TNIK: variants seen among roughly 807,000 people sequenced by gnomAD.
TNIK encodes the protein TRAF2 and NCK-interacting protein kinase.
In TNIK, 49 loss-of-function variants were observed where a neutral mutation model predicts 191.3. The ratio of observed to expected loss-of-function variants is 0.26; its 90% CI spans 0.20 to 0.32. The LOEUF (loss-of-function observed/expected upper bound fraction) is 0.32. TNIK is among the 10% of genes least tolerant of loss of function. The probability of loss-of-function intolerance (pLI) is 1.00; values close to 1 mark genes in which losing one functional copy is unlikely to be tolerated. For synonymous variants in TNIK, 594 were observed against 600.9 expected, an observed-to-expected ratio of 0.99 and a Z score of 0.17; for missense variants, 1,155 against 1,702.3, an observed-to-expected ratio of 0.68 and a Z score of 5.66.
At chr3:171,178,332 G>A (rs1736215548) in intron 7 of TNIK, among the ~76,000 whole-genome samples, 1 of 152,198 alleles carries the variant, frequency 6.6e-6, no homozygotes, top group South Asian at 2.1e-4. Context: ...ATTCACTGAT[G>A]TCTCTCTTGT....
intron 1 of TNIK, among the ~76,000 whole-genome samples, chr3:171,429,940 C>A (rs896335404): frequency 6.6e-6 from 1 of 152,104 alleles, no homozygotes; most frequent in Non-Finnish European, 1.5e-5. Flanking sequence ...AAAATGTGAT[C>A]CTGAAAGCAG....
chr3:171,341,521 C>G (rs1270504700), intron 2 of TNIK, among the ~76,000 whole-genome samples: 1 of 112,736 alleles, frequency 8.9e-6, no homozygotes. Context: ...AAAAAAAAAG[C>G]CATATATTTT....
chr3:171,340,121 A>C (rs1325399108), intron 2 of TNIK, among the ~76,000 whole-genome samples: 1 of 152,236 alleles, frequency 6.6e-6, no homozygotes, highest in Non-Finnish European at 1.5e-5. Context: ...GATGACATGA[A>C]AAAAATGCTA....
At chr3:171,253,699 TC>T (rs1365023629) in intron 2 of TNIK, among the ~76,000 whole-genome samples, 1 of 147,280 alleles carries the variant, frequency 6.8e-6, no homozygotes, top group Admixed American at 6.9e-5. Context: ...TATTACCTTC[TC>T]CCGAATCCTC....
Position 171,063,610 on chromosome 3 carries a change from CGAA to C in TNIK, c.*268_*270del, listed in dbSNP as rs374455162. On this transcript the variant is annotated 3_prime_UTR_variant, in exon 33 of 33. Coordinates refer to ENST00000436636, the MANE Select transcript of TNIK (RefSeq NM_015028.4). ...CAATATTTGTTTCTATCCCTAATTC[CGAA>C]GGGCACATGGTCCATCTTTGTCCAC... The C allele has an allele frequency of 1.7e-3, 567 of 339,624 alleles. 3 individuals are homozygous for C. Among genetic ancestry groups the C allele is most frequent in the African/African-American group, 0.011 (508 of 47,002 alleles). 21.0% of individuals were successfully genotyped at this position (339,624 alleles called of 1,614,324 possible). A position where few individuals can be genotyped will look rare whatever the true frequency, so the allele number is the denominator to read the frequency against.
intron 2 of TNIK, among the ~76,000 whole-genome samples, chr3:171,327,658 C>T (rs1035566905): frequency 2.6e-5 from 4 of 151,834 alleles, no homozygotes; most frequent in African/African-American, 9.7e-5. Context: ...GAGAAAGCCA[C>T]AGACCACAAA....
In TNIK at chr3:171,271,882, T is replaced by G. The variant is rs368335844; in HGVS notation, c.124-43661A>C. ...TAACTAAGTTCCAATTATGTTTAATTCTCAGAATTACCTTTGAGCATTAGA... is the reference window on the plus strand; with the variant it reads ...TAACTAAGTTCCAATTATGTTTAATGCTCAGAATTACCTTTGAGCATTAGA... On this transcript the variant is annotated intron_variant, in intron 2 of 32. Coordinates refer to ENST00000436636, the MANE Select transcript of TNIK (RefSeq NM_015028.4). Among the ~76,000 whole-genome samples the G allele has an allele frequency of 5.3e-5, 8 of 152,238 alleles. No individual in the cohort carries two copies. The East Asian group carries it at 1.2e-3, about 22-fold the overall frequency.
At chr3:171,288,319 T>TA (rs1185026948) in intron 2 of TNIK, among the ~76,000 whole-genome samples, 17 of 148,764 alleles carry the variant, frequency 1.1e-4, no homozygotes, top group African/African-American at 4.3e-4. Flanking sequence ...AAAGTATAAT[T>TA]TAAAAAAAAA....
intron 21 of TNIK, among the ~76,000 whole-genome samples, chr3:171,103,763 T>TAA (rs968979414): frequency 6.7e-6 from 1 of 149,962 alleles, no homozygotes; most frequent in African/African-American, 2.5e-5. Flanking sequence ...GAGTAAAATA[T>TAA]AATACTCTTG....
intron 2 of TNIK, among the ~76,000 whole-genome samples, chr3:171,272,232 C>T (rs1325026726): frequency 6.6e-6 from 1 of 152,176 alleles, no homozygotes; most frequent in Non-Finnish European, 1.5e-5. Context: ...GGTGTTGGGA[C>T]TAACAAAGTC....
intron 2 of TNIK, among the ~76,000 whole-genome samples, chr3:171,276,734 A>G (rs1277267080): frequency 7.9e-5 from 12 of 152,216 alleles, no homozygotes; most frequent in Non-Finnish European, 1.5e-5. Context: ...AATTTTACAA[A>G]GTAGGGAATC....
intron 2 of TNIK, among the ~76,000 whole-genome samples, chr3:171,326,174 A>C (rs1426740341): frequency 6.6e-6 from 1 of 152,244 alleles, no homozygotes; most frequent in East Asian, 1.9e-4. Flanking sequence ...AGTTACCAAA[A>C]GTGATCAGTA....
intron 2 of TNIK, among the ~76,000 whole-genome samples, chr3:171,275,959 C>T (rs1749694225): frequency 6.6e-6 from 1 of 150,580 alleles, no homozygotes. Flanking sequence ...AGAAACTGGC[C>T]CTCTACAAAG....
chr3:171,117,886 C>T (rs1372202319), intron 18 of TNIK, among the ~76,000 whole-genome samples: 1 of 152,130 alleles, frequency 6.6e-6, no homozygotes, highest in African/African-American at 2.4e-5. Flanking sequence ...AGGAGAATCG[C>T]CTGAACCTGG....
At position 171,366,593 on chromosome 3, in the gene TNIK, A is replaced by G. The variant is rs377396683; in HGVS notation, c.123+3027T>C. Among the ~76,000 whole-genome samples the G allele has an allele frequency of 1.3e-5, 2 of 152,272 alleles. No individual in the cohort carries two copies. Among genetic ancestry groups the G allele is most frequent in the East Asian group, 3.9e-4 (2 of 5,188 alleles). On this transcript the variant is annotated intron_variant, in intron 2 of 32. Transcript: ENST00000436636. This position sits in a 1 kb window ranked among gnomAD's most constrained non-coding sequence, Gnocchi z 4.1. ...TCTCTTAGGGCAGCTTATAAAAAAG[A>G]AACTTATAATAAATTTTTCCATAAA... is the stretch of plus-strand genomic sequence containing the variant.
At chr3:171,169,883 G>A (rs1343974305) in intron 9 of TNIK, among the ~76,000 whole-genome samples, 1 of 152,190 alleles carries the variant, frequency 6.6e-6, no homozygotes, top group Non-Finnish European at 1.5e-5. Flanking sequence ...TACAAAGCTG[G>A]TAATATATTT....
intron 1 of TNIK, among the ~76,000 whole-genome samples, chr3:171,450,663 G>A (rs1728065709): frequency 6.6e-6 from 1 of 152,106 alleles, no homozygotes; most frequent in African/African-American, 2.4e-5. Context: ...GCCTTAACAT[G>A]GTTTTATGGC....
intron 2 of TNIK, among the ~76,000 whole-genome samples, chr3:171,262,075 A>G (rs752545601): frequency 1.3e-5 from 2 of 152,178 alleles, no homozygotes; most frequent in Non-Finnish European, 2.9e-5. Flanking sequence ...AGATAGTGAC[A>G]GTGGCCTCAC....
At chr3:171,373,511 T>C (rs1040630902) in intron 1 of TNIK, among the ~76,000 whole-genome samples, 1 of 152,194 alleles carries the variant, frequency 6.6e-6, no homozygotes, top group Non-Finnish European at 1.5e-5. Context: ...ATCATCTTTT[T>C]CTGGGACCAT....
Sources: gnomAD v4.1 joint callset for allele counts (sites outside exome capture counted in the v4.1 genomes callset) on GRCh38, gnomAD v4.1.1 for gene constraint, Gnocchi (gnomAD v3.1) non-coding constraint, MANE v1.5 for transcripts, NCBI Gene and HGNC (gene_info 2026-07-23, HGNC 2026-07-21) for gene names.